GRXCR1: variants seen among roughly 807,000 people sequenced by gnomAD.
GRXCR1 encodes glutaredoxin domain-containing cysteine-rich protein 1.
A neutral mutation model predicts 27.3 loss-of-function variants in GRXCR1; 27 were observed. That is an observed-to-expected ratio of 0.99 (90% CI 0.73 to 1.37). GRXCR1 has a LOEUF of 1.37. Ranked by LOEUF, GRXCR1 falls within the 40% of genes most tolerant of loss-of-function variation. The pLI is 0.00. For synonymous variants in GRXCR1, 122 were observed against 131.1 expected (o/e 0.93, Z 0.47); for missense variants, 379 against 354.4 (o/e 1.07, Z -0.56).
At chr4:42,979,842 C>A (rs1748608150) in intron 2 of GRXCR1, among the ~76,000 whole-genome samples, 1 of 151,862 alleles carries the variant, frequency 6.6e-6, no homozygotes, top group South Asian at 2.1e-4. Context: ...ATTCAATCTC[C>A]TTATTATTGG....
chr4:43,021,369 T>C (rs932098281), intron 3 of GRXCR1, among the ~76,000 whole-genome samples: 4 of 152,206 alleles, frequency 2.6e-5, no homozygotes, highest in African/African-American at 9.7e-5. Context: ...TTTGAATTCC[T>C]ATAACCCTCT....
At chr4:42,970,166 C>T (rs1477972601) in intron 2 of GRXCR1, among the ~76,000 whole-genome samples, 2 of 152,156 alleles carry the variant, frequency 1.3e-5, no homozygotes, top group African/African-American at 2.4e-5. Flanking sequence ...CTCTGTGGCT[C>T]TGCAGAGTAC....
chr4:42,901,987 G>T (rs1033417741), intron 1 of GRXCR1, among the ~76,000 whole-genome samples: 1 of 152,120 alleles, frequency 6.6e-6, no homozygotes, highest in African/African-American at 2.4e-5. Context: ...GCTGTTTTGT[G>T]TGTTTCCTTT....
chr4:43,012,514 G>T (rs10805107), intron 2 of GRXCR1, among the ~76,000 whole-genome samples: 35,482 of 151,940 alleles, frequency 0.23, 4,418 homozygotes, highest in Admixed American at 0.29. Flanking sequence ...GGAAATGTTT[G>T]TGTGCTTGAC....
chr4:42,922,474 C>A (rs748193759), intron 1 of GRXCR1, among the ~76,000 whole-genome samples: 39 of 152,252 alleles, frequency 2.6e-4, no homozygotes, highest in Non-Finnish European at 4.3e-4. Flanking sequence ...ACGAAGAAGC[C>A]CATGAGGCTC....
intron 2 of GRXCR1, among the ~76,000 whole-genome samples, chr4:42,967,524 T>C (rs1037873770): frequency 6.6e-6 from 1 of 152,144 alleles, no homozygotes; most frequent in African/African-American, 2.4e-5. Context: ...AGGATATAGG[T>C]ATAACAACCG....
chr4:42,927,427 A>T (rs1473557229), intron 1 of GRXCR1, among the ~76,000 whole-genome samples: 1 of 152,032 alleles, frequency 6.6e-6, no homozygotes, highest in Non-Finnish European at 1.5e-5. Flanking sequence ...TCCTCTGAGA[A>T]TGGCATCTGA....
chr4:42,965,049 G>C (rs1748206986), intron 2 of GRXCR1, among the ~76,000 whole-genome samples: 1 of 152,032 alleles, frequency 6.6e-6, no homozygotes, highest in South Asian at 2.1e-4. Context: ...AAAGTTGGCT[G>C]TTCTTATTCG....
intron 1 of GRXCR1, among the ~76,000 whole-genome samples, chr4:42,907,703 C>T (rs537845344): frequency 1.8e-4 from 28 of 152,200 alleles, no homozygotes; most frequent in Admixed American, 4.6e-4. Flanking sequence ...TTAACCTTGC[C>T]GGTATTTTAA....
At chr4:43,011,922 A>T (rs1469643717) in intron 2 of GRXCR1, among the ~76,000 whole-genome samples, 3 of 152,190 alleles carry the variant, frequency 2.0e-5, no homozygotes, top group Admixed American at 2.0e-4. Flanking sequence ...ATCTTCAGTA[A>T]CCTGCTCATG....
chr4:42,964,781 T>C (rs1202891219), intron 2 of GRXCR1, among the ~76,000 whole-genome samples: 1 of 152,062 alleles, frequency 6.6e-6, no homozygotes, highest in African/African-American at 2.4e-5. Flanking sequence ...GAACATATGT[T>C]GAATGGATGG....
chr4:43,020,311 C>A, intron 2 of GRXCR1, 43 bp from the exon 3 acceptor site: 1 of 1,261,534 alleles, frequency 7.9e-7, no homozygotes, highest in Non-Finnish European at 1.2e-6. Context: ...TTCTCAAATA[C>A]TAACAAAAAT....
chr4:43,011,172 C>A (rs1467549560), intron 2 of GRXCR1, among the ~76,000 whole-genome samples: 2 of 152,196 alleles, frequency 1.3e-5, no homozygotes, highest in Non-Finnish European at 1.5e-5. Context: ...GGATCGACCA[C>A]AAAAGAGTGA....
chr4:42,955,214 CT>C (rs1394904786), intron 1 of GRXCR1, among the ~76,000 whole-genome samples: 1 of 151,928 alleles, frequency 6.6e-6, no homozygotes, highest in African/African-American at 2.4e-5. Context: ...GCCTCTTTGC[CT>C]TTATGTATAG....
In GRXCR1 at chr4:43,030,523, A is replaced by G. The variant is rs1307931347; in HGVS notation, c.856A>G (p.Lys286Glu). 1.9e-5 allele frequency: 31 copies of G among 1,614,014 alleles called. No homozygotes were observed. The highest frequency in any genetic ancestry group is 4.0e-5 in the African/African-American group (3 of 74,920). The change falls in exon 4 of 4, where the codon AAG (lysine) becomes GAG (glutamate). Residue 286 changes from lysine to glutamate, a missense_variant. Physicochemically the swap from Lys to Glu is moderately conservative, Grantham distance 56. Transcript: ENST00000399770. ...ACNENGLQRC[K>E]NCAG Reference sequence around the variant, plus strand: ...CAATGAAAATGGTCTTCAGCGTTGTAAGAACTGTGCTGGTTAATTGGAGCT... The same window carrying G: ...CAATGAAAATGGTCTTCAGCGTTGTGAGAACTGTGCTGGTTAATTGGAGCT...
chr4:42,898,690 G>A (rs549693573), intron 1 of GRXCR1, among the ~76,000 whole-genome samples: 2 of 152,004 alleles, frequency 1.3e-5, no homozygotes, highest in Non-Finnish European at 1.5e-5. Context: ...ACAACCCTGT[G>A]AGGTATATTA....
chr4:42,985,388 C>T (rs1175548132), intron 2 of GRXCR1, among the ~76,000 whole-genome samples: 1 of 152,028 alleles, frequency 6.6e-6, no homozygotes, highest in Admixed American at 6.6e-5. Context: ...TAACCTGTAA[C>T]ATTTTTTCAA....
chr4:42,967,559 G>A (rs1748277257), intron 2 of GRXCR1, among the ~76,000 whole-genome samples: 1 of 151,888 alleles, frequency 6.6e-6, no homozygotes, highest in South Asian at 2.1e-4. Context: ...TCTGACAATT[G>A]TATCTGTGTC....
chr4:42,998,652 T>G (rs1261106975), intron 2 of GRXCR1, among the ~76,000 whole-genome samples: 1 of 152,260 alleles, frequency 6.6e-6, no homozygotes, highest in Admixed American at 6.5e-5. Flanking sequence ...TTGAATTTCA[T>G]GTTTGTGGCA....
Sources: gnomAD v4.1 joint callset for allele counts (sites outside exome capture counted in the v4.1 genomes callset) on GRCh38, gnomAD v4.1.1 for gene constraint, MANE v1.5 for transcripts, NCBI Gene and HGNC (gene_info 2026-07-23, HGNC 2026-07-21) for gene names.